Variants in XKR9 observed in about 807,000 individuals in gnomAD.
The protein encoded by XKR9 is XK-related protein 9.
In XKR9, 32 loss-of-function variants were observed where a neutral mutation model predicts 32.0. The observed-to-expected ratio is 1.00, with a 90% confidence interval of 0.76 to 1.34. XKR9 has a LOEUF of 1.34. Ranked by LOEUF, XKR9 falls within the 40% of genes most tolerant of loss-of-function variation. The pLI is 0.00. For synonymous variants in XKR9, 168 were observed against 143.4 expected, an observed-to-expected ratio of 1.17 and a Z score of -1.22; for missense variants, 546 against 429.7, an observed-to-expected ratio of 1.27 and a Z score of -2.39.
At chr8:70,827,806 A>G in the XKR9 span, among the ~76,000 whole-genome samples, 4 of 152,268 alleles carry the variant, frequency 2.6e-5, no homozygotes, top group Non-Finnish European at 5.9e-5. Context: ...GTATGAAAAT[A>G]TACTAAGAAA....
At chr8:70,675,834 G>T (rs933735113) in intron 2 of XKR9, among the ~76,000 whole-genome samples, 4 of 152,262 alleles carry the variant, frequency 2.6e-5, no homozygotes, top group South Asian at 4.1e-4. Flanking sequence ...CCTTTAAGAA[G>T]CTCCAAACTT....
At chr8:70,741,706 A>G (rs572971296) in intron 2 of XKR9, among the ~76,000 whole-genome samples, 11 of 152,302 alleles carry the variant, frequency 7.2e-5, no homozygotes, top group Admixed American at 3.3e-4. Context: ...GAATAGTGCA[A>G]CAGTGAACAT....
At chr8:71,045,092 G>A in the XKR9 span, among the ~76,000 whole-genome samples, 1 of 152,164 alleles carries the variant, frequency 6.6e-6, no homozygotes, top group South Asian at 2.1e-4. Context: ...TGGGGAGGAG[G>A]AGTAAATATA....
intron 2 of XKR9, among the ~76,000 whole-genome samples, chr8:70,758,392 C>T (rs907649091): frequency 6.6e-6 from 1 of 152,102 alleles, no homozygotes; most frequent in African/African-American, 2.4e-5. Flanking sequence ...GTACACTAGT[C>T]CCATCAAATT....
chr8:70,835,280 T>A, the XKR9 span, among the ~76,000 whole-genome samples: 1 of 152,098 alleles, frequency 6.6e-6, no homozygotes, highest in African/African-American at 2.4e-5. Flanking sequence ...AATAAGACAA[T>A]TAAATATAAT....
the XKR9 span, among the ~76,000 whole-genome samples, chr8:71,061,698 T>C: frequency 2.0e-5 from 3 of 151,992 alleles, no homozygotes; most frequent in African/African-American, 7.3e-5. Context: ...GAAAATCAGC[T>C]GAGATATAGA....
At chr8:70,805,910 G>A in the XKR9 span, among the ~76,000 whole-genome samples, 3 of 152,182 alleles carry the variant, frequency 2.0e-5, no homozygotes, top group Non-Finnish European at 4.4e-5. Flanking sequence ...CAGTGAAAGT[G>A]ATTCATTAAA....
chr8:70,841,473 T>A, the XKR9 span, among the ~76,000 whole-genome samples: 2 of 152,292 alleles, frequency 1.3e-5, no homozygotes, highest in South Asian at 4.1e-4. Flanking sequence ...TTAAAAAACC[T>A]CCTGTGTTGT....
the XKR9 span, among the ~76,000 whole-genome samples, chr8:70,956,603 G>A: frequency 6.6e-6 from 1 of 152,138 alleles, no homozygotes; most frequent in African/African-American, 2.4e-5. Context: ...TGCCCAGGTT[G>A]TCCATTTCAA....
chr8:70,852,142 T>C, the XKR9 span, among the ~76,000 whole-genome samples: 3 of 152,324 alleles, frequency 2.0e-5, no homozygotes, highest in South Asian at 6.2e-4. Flanking sequence ...CAGATACTTT[T>C]CAAAGAAGAC....
chr8:70,809,843 G>A, the XKR9 span, among the ~76,000 whole-genome samples: 8 of 152,212 alleles, frequency 5.3e-5, no homozygotes, highest in Non-Finnish European at 1.2e-4. Flanking sequence ...CAGGGAGAAT[G>A]GAACCAAGTT....
At chr8:70,744,465 A>G (rs1265139292) in intron 2 of XKR9, among the ~76,000 whole-genome samples, 1 of 152,204 alleles carries the variant, frequency 6.6e-6, no homozygotes, top group Non-Finnish European at 1.5e-5. Flanking sequence ...ACCAAGGCTC[A>G]TAGAGTTTAA....
chr8:70,691,392 C>T (rs1211384068), intron 3 of XKR9, among the ~76,000 whole-genome samples: 1 of 152,130 alleles, frequency 6.6e-6, no homozygotes, highest in African/African-American at 2.4e-5. Flanking sequence ...GTTTCTTTCG[C>T]TGTACAGAAG....
intron 4 of XKR9, among the ~76,000 whole-genome samples, chr8:70,711,267 A>G (rs993254999): frequency 6.6e-6 from 1 of 152,196 alleles, no homozygotes; most frequent in Admixed American, 6.5e-5. Context: ...CAGCAATCCC[A>G]TTACTGGGTA....
chr8:70,750,025 G>A (rs1807116172), intron 2 of XKR9, among the ~76,000 whole-genome samples: 2 of 152,016 alleles, frequency 1.3e-5, no homozygotes, highest in Non-Finnish European at 2.9e-5. Context: ...TGTGTGTGGT[G>A]TGTGTATGCA....
At chr8:70,722,146 T>A (rs960710876) in intron 4 of XKR9, among the ~76,000 whole-genome samples, 1 of 152,078 alleles carries the variant, frequency 6.6e-6, no homozygotes, top group African/African-American at 2.4e-5. Context: ...TTGCTTTCCA[T>A]TTGCTTGGTA....
At chr8:70,684,642 T>A (rs1328015009) in intron 3 of XKR9, among the ~76,000 whole-genome samples, 5 of 150,636 alleles carry the variant, frequency 3.3e-5, no homozygotes, top group Non-Finnish European at 7.4e-5. Flanking sequence ...TCAAACAAAT[T>A]TACAAGAAAA....
intron 3 of XKR9, among the ~76,000 whole-genome samples, chr8:70,684,981 C>A (rs1488591950): frequency 2.7e-5 from 4 of 145,742 alleles, no homozygotes; most frequent in Non-Finnish European, 6.0e-5. Flanking sequence ...TTGACCCAGC[C>A]ATCCCATTAC....
chr8:71,042,069 G>T, the XKR9 span, among the ~76,000 whole-genome samples: 3 of 152,184 alleles, frequency 2.0e-5, no homozygotes, highest in East Asian at 5.8e-4. Context: ...GAGAGTGTGG[G>T]ACCACGAAAC....
Sources: allele counts gnomAD v4.1 joint callset (sites outside exome capture counted in the v4.1 genomes callset), GRCh38; gene constraint gnomAD v4.1.1; transcripts MANE v1.5; gene names NCBI Gene and HGNC (gene_info 2026-07-23, HGNC 2026-07-21).